The following SLC4A4 variants were observed in gnomAD, a reference collection of about 807,000 sequenced individuals.
The protein encoded by SLC4A4 is electrogenic sodium bicarbonate cotransporter 1.
In SLC4A4, 27 loss-of-function variants were observed where a neutral mutation model predicts 111.5. The observed-to-expected ratio is 0.24, with a 90% CI of 0.18 to 0.33. SLC4A4 has a LOEUF of 0.33. SLC4A4 is among the 10% of genes least tolerant of loss of function. The pLI is 1.00. For synonymous variants in SLC4A4, 443 were observed against 463.4 expected (o/e 0.96, Z 0.57); for missense variants, 909 against 1,315.5 (o/e 0.69, Z 4.78).
At chr4:71,536,592 G>A (rs1295663376) in intron 18 of SLC4A4, among the ~76,000 whole-genome samples, 1 of 149,974 alleles carries the variant, frequency 6.7e-6, no homozygotes, top group Admixed American at 6.7e-5. Context: ...TGCCTCCGGG[G>A]TTCAAGTGAT....
At chr4:71,430,828 CTTCTAAATATTGATTT>C (rs1369645007) in intron 7 of SLC4A4, among the ~76,000 whole-genome samples, 4 of 152,262 alleles carry the variant, frequency 2.6e-5, no homozygotes, top group African/African-American at 9.6e-5. Context: ...GATTTCTACA[CTTCTAAATATTGATTT>C]TTCCAAAAGG....
intron 6 of SLC4A4, among the ~76,000 whole-genome samples, chr4:71,357,465 A>G (rs1404590233): frequency 2.6e-5 from 4 of 152,200 alleles, no homozygotes; most frequent in African/African-American, 4.8e-5. Context: ...TAGTAACTCT[A>G]TGATGAAACA....
chr4:71,421,051 A>G (rs1412677977), intron 7 of SLC4A4, among the ~76,000 whole-genome samples: 1 of 148,516 alleles, frequency 6.7e-6, no homozygotes, highest in Non-Finnish European at 1.5e-5. Flanking sequence ...AAATTGGATA[A>G]AGAGTCAAGA....
At chr4:71,179,068 A>G (rs1745195156) in intron 2 of SLC4A4, among the ~76,000 whole-genome samples, 2 of 152,090 alleles carry the variant, frequency 1.3e-5, no homozygotes, top group Admixed American at 1.3e-4. Flanking sequence ...ATCAATAAAC[A>G]TAATCCAGCA....
chr4:71,303,574 G>A (rs1012488414), intron 3 of SLC4A4, among the ~76,000 whole-genome samples: 4 of 152,086 alleles, frequency 2.6e-5, no homozygotes, highest in Admixed American at 6.6e-5. Context: ...GTTTCTGTTA[G>A]GATGAGCAGA....
chr4:71,141,014 T>C (rs187731058), intron 2 of SLC4A4, among the ~76,000 whole-genome samples: 40 of 152,346 alleles, frequency 2.6e-4, no homozygotes, highest in African/African-American at 9.6e-4. Context: ...GTGGAGAGAA[T>C]ATTTGAAATT....
In SLC4A4 at chr4:71,396,791, G is replaced by T. The variant is rs557828061; in HGVS notation, c.731-786G>T. ...TGTATGATAGTGTCTGAAATCATTG[G>T]ATGGATCACCGGTGAACCATATTGA... On this transcript the variant is annotated intron_variant, in intron 6 of 25. Transcript: ENST00000264485. 3.3e-5 allele frequency among the ~76,000 whole-genome samples: 5 copies of T among 152,292 alleles called. No homozygotes were observed. The East Asian group carries it at 9.6e-4, about 29-fold the overall frequency.
rs1273466111 is a variant in SLC4A4 at position 71,356,988 on chromosome 4, T to C, written c.551-20T>C. On this transcript the variant is annotated intron_variant, in intron 5 of 25. Coordinates refer to ENST00000264485, the MANE Select transcript of SLC4A4 (RefSeq NM_001098484.3). ...GGTCTTGTGACTGAGTTTTGTTTTTTGCTTTTGTTTTTGTACCAGAGATGA... is the reference window on the plus strand; with the variant it reads ...GGTCTTGTGACTGAGTTTTGTTTTTCGCTTTTGTTTTTGTACCAGAGATGA... 1 of 1,613,300 alleles carries C rather than the reference T, an allele frequency of 6.2e-7. No individual in the cohort carries two copies. The highest frequency in any genetic ancestry group is 1.1e-5 in the South Asian group (1 of 90,838).
chr4:71,219,046 G>T (rs1349497214), intron 1 of SLC4A4, among the ~76,000 whole-genome samples: 1 of 152,128 alleles, frequency 6.6e-6, no homozygotes. Context: ...TCACAGGGAA[G>T]CTCACTTTTC....
At chr4:71,143,689 C>G (rs1744076524) in intron 2 of SLC4A4, among the ~76,000 whole-genome samples, 1 of 152,248 alleles carries the variant, frequency 6.6e-6, no homozygotes, top group Non-Finnish European at 1.5e-5. Flanking sequence ...TTGCATTTCT[C>G]TGATGGCCAG....
At chr4:71,486,647 G>C (rs4390998) in intron 14 of SLC4A4, among the ~76,000 whole-genome samples, 1 of 150,098 alleles carries the variant, frequency 6.7e-6, no homozygotes, top group Admixed American at 6.7e-5. Context: ...TGAGTACCTT[G>C]TAGTATCAGG....
chr4:71,159,989 T>A (rs1412083766), intron 2 of SLC4A4, among the ~76,000 whole-genome samples: 1 of 152,218 alleles, frequency 6.6e-6, no homozygotes, highest in African/African-American at 2.4e-5. Context: ...CAATTTGGAA[T>A]CTGTCATAAT....
intron 7 of SLC4A4, among the ~76,000 whole-genome samples, chr4:71,401,724 A>C (rs1331244937): frequency 6.6e-6 from 1 of 152,188 alleles, no homozygotes; most frequent in Non-Finnish European, 1.5e-5. Flanking sequence ...TAACTCTTGT[A>C]GAAATACTGT....
chr4:71,344,643 G>A lies in SLC4A4; in HGVS notation c.389+5138G>A, dbSNP rs59012359. ...ACTTCTCCAGCTCCATGTAGGTTCT[G>A]TTATAAATCTACAGCCCACAGAACT... On this transcript the variant is annotated intron_variant, in intron 4 of 25. Coordinates refer to ENST00000264485, the MANE Select transcript of SLC4A4 (RefSeq NM_001098484.3). Among the ~76,000 whole-genome samples the A allele has an allele frequency of 7.9e-3, 1,203 of 152,212 alleles. 17 individuals are homozygous for A. Among genetic ancestry groups the A allele is most frequent in the African/African-American group, 0.026 (1,065 of 41,538 alleles).
intron 24 of SLC4A4, 74 bp from the exon 25 acceptor site, chr4:71,566,930 A>G (rs1737525289): frequency 4.1e-6 from 5 of 1,233,612 alleles, no homozygotes; most frequent in South Asian, 2.5e-5. Context: ...AGATGCATCA[A>G]TTTTGTGAAG....
At chr4:71,248,596 G>GTTAA (rs1356355926) in intron 2 of SLC4A4, among the ~76,000 whole-genome samples, 2 of 151,998 alleles carry the variant, frequency 1.3e-5, no homozygotes, top group Non-Finnish European at 1.5e-5. Flanking sequence ...TTCTAATTTT[G>GTTAA]TTAATTCCTT....
intron 2 of SLC4A4, among the ~76,000 whole-genome samples, chr4:71,139,935 T>C (rs953752445): frequency 3.9e-5 from 6 of 152,226 alleles, no homozygotes; most frequent in Non-Finnish European, 7.3e-5. Flanking sequence ...TATTTAATAT[T>C]AGAACTTAAT....
chr4:71,422,112 A>T (rs1463981592), intron 7 of SLC4A4, among the ~76,000 whole-genome samples: 31 of 146,494 alleles, frequency 2.1e-4, no homozygotes, highest in Middle Eastern at 7.2e-3. Flanking sequence ...AGAAAAAAAG[A>T]GAGAAGAATC....
In SLC4A4 at chr4:71,474,154, G is replaced by T. The variant is rs116313924; in HGVS notation, c.1903+1184G>T. 4.1e-3 allele frequency among the ~76,000 whole-genome samples: 619 copies of T among 151,194 alleles called. 3 individuals are homozygous for T. The highest frequency in any genetic ancestry group is 0.014 in the African/African-American group (597 of 41,320). On this transcript the variant is annotated intron_variant, in intron 14 of 25. Transcript: ENST00000264485. ...AAAAAAGAGAAAGGGATAGGCATTT[G>T]TGTCAGACAATTACATGTTAGTAGC...
Sources: gnomAD v4.1 joint callset for allele counts (sites outside exome capture counted in the v4.1 genomes callset) on GRCh38, gnomAD v4.1.1 for gene constraint, MANE v1.5 for transcripts, NCBI Gene and HGNC (gene_info 2026-07-23, HGNC 2026-07-21) for gene names.